Variants in ADAMTS2 observed in about 807,000 individuals in gnomAD.
ADAMTS2 encodes the protein ADAM metallopeptidase with thrombospondin type 1 motif 2.
ADAMTS2 carries 50 observed loss-of-function variants against 123.0 expected under a neutral mutation model. The ratio of observed to expected loss-of-function variants is 0.41; its 90% confidence interval spans 0.32 to 0.51. The LOEUF is 0.51. Ranked by LOEUF, ADAMTS2 falls within the 20% of genes least tolerant of loss-of-function variation. The probability of loss-of-function intolerance (pLI) is 0.35; values close to 1 mark genes in which losing one functional copy is unlikely to be tolerated. For synonymous variants in ADAMTS2, 678 were observed against 695.4 expected (o/e 0.98, Z 0.39); for missense variants, 1,494 against 1,705.2 (o/e 0.88, Z 2.18).
intron 3 of ADAMTS2, among the ~76,000 whole-genome samples, chr5:179,251,573 G>A (rs1340655203): frequency 1.3e-5 from 2 of 152,112 alleles, no homozygotes; most frequent in Non-Finnish European, 2.9e-5. Flanking sequence ...TGGTGACCTA[G>A]CCCCGGCCCT....
At position 179,202,976 on chromosome 5, in the gene ADAMTS2, G is replaced by A. The variant is rs76491545; in HGVS notation, c.891+4537C>T. On this transcript the variant is annotated intron_variant, in intron 4 of 21. Coordinates refer to ENST00000251582, the MANE Select transcript of ADAMTS2 (RefSeq NM_014244.5). This position sits in a 1 kb window ranked among gnomAD's most constrained non-coding sequence, Gnocchi z 4.0. ...TGGGGAGGGGAGCACAGGGGTGATC[G>A]ATGAGGCTGAACTGCCTGTGCCACC... Among the ~76,000 whole-genome samples, 1,935 of 152,304 alleles carry A rather than the reference G, an allele frequency of 0.013. 44 individuals carry two copies. Among genetic ancestry groups the A allele is most frequent in the African/African-American group, 0.044 (1,840 of 41,566 alleles).
intron 2 of ADAMTS2, among the ~76,000 whole-genome samples, chr5:179,275,089 A>G (rs1272497140): frequency 6.6e-6 from 1 of 151,904 alleles, no homozygotes; most frequent in Non-Finnish European, 1.5e-5. Flanking sequence ...GTGGCCCATC[A>G]CTCAGGGGGC....
chr5:179,316,493 C>A (rs940704155), intron 2 of ADAMTS2, among the ~76,000 whole-genome samples: 1 of 152,176 alleles, frequency 6.6e-6, no homozygotes, highest in African/African-American at 2.4e-5. Flanking sequence ...GGCTCCCCAG[C>A]CCCACAGAAC....
chr5:179,125,667 C>A (rs1439379466), intron 18 of ADAMTS2, among the ~76,000 whole-genome samples: 1 of 152,244 alleles, frequency 6.6e-6, no homozygotes, highest in East Asian at 1.9e-4. Flanking sequence ...CTGGGCCCAG[C>A]CCCAGGGCCT....
chr5:179,322,801 C>T (rs1022440512), intron 2 of ADAMTS2, among the ~76,000 whole-genome samples: 5 of 152,240 alleles, frequency 3.3e-5, no homozygotes, highest in African/African-American at 4.8e-5. Context: ...CTCCCTCACT[C>T]GGGGCCTGAC....
intron 3 of ADAMTS2, among the ~76,000 whole-genome samples, chr5:179,230,251 CGCAGAG>C (rs1765377994): frequency 6.6e-6 from 1 of 152,068 alleles, no homozygotes; most frequent in Non-Finnish European, 1.5e-5. Context: ...GGAGGGGATG[CGCAGAG>C]GCAGAGGATG....
Position 179,303,140 on chromosome 5 carries a change from G to C in ADAMTS2, c.535-30076C>G, listed in dbSNP as rs1021735888. On this transcript the variant is annotated intron_variant, in intron 2 of 21. Transcript: ENST00000251582. The surrounding 1 kb of genome is among the most constrained non-coding windows in gnomAD (Gnocchi z 4.7). ...AAGAGACCTGATTCCCCTGTCAGTT[G>C]CTCTGGGCATGTTGTGAGAATTGCT... 6.6e-6 allele frequency among the ~76,000 whole-genome samples: 1 copy of C among 152,126 alleles called. No homozygotes were observed. Among genetic ancestry groups the C allele is most frequent in the African/African-American group, 2.4e-5 (1 of 41,400 alleles).
At chr5:179,244,590 C>T (rs996792896) in intron 3 of ADAMTS2, among the ~76,000 whole-genome samples, 14 of 152,144 alleles carry the variant, frequency 9.2e-5, no homozygotes, top group Non-Finnish European at 1.6e-4. Context: ...AAGGTAATCA[C>T]GCAACTTTAA....
At chr5:179,131,267 C>T (rs1197320477) in intron 15 of ADAMTS2, among the ~76,000 whole-genome samples, 1 of 124,534 alleles carries the variant, frequency 8.0e-6, no homozygotes, top group Non-Finnish European at 1.6e-5. Flanking sequence ...GAGCCAAGAT[C>T]AGGCCACTGC....
rs575401088 is a variant in ADAMTS2 at position 179,326,432 on chromosome 5, G to C, written c.534+17335C>G. ...CTCCACTGGCAACACATCCCAGGCC[G>C]GTGATGCCTGGGGCAGGGAGAGCAT... On this transcript the variant is annotated intron_variant, in intron 2 of 21. Transcript: ENST00000251582. 6.6e-5 allele frequency among the ~76,000 whole-genome samples: 10 copies of C among 152,146 alleles called. No individual in the cohort carries two copies. In the East Asian group the frequency reaches 1.9e-3, roughly 30 times the overall value.
intron 3 of ADAMTS2, among the ~76,000 whole-genome samples, chr5:179,222,083 C>A (rs902884954): frequency 3.3e-5 from 5 of 152,090 alleles, no homozygotes; most frequent in African/African-American, 1.2e-4. Context: ...CCTGCAGGGA[C>A]GGGGGTTCCT....
At position 179,212,613 on chromosome 5, in the gene ADAMTS2, G is replaced by C. The variant is rs112823465; in HGVS notation, c.689-4898C>G. Reference sequence around the variant, plus strand: ...GCCCTGAGGGTGGGTTCAGTGGGCAGGTGTGGGCCCTGAGGGCGGGTGCAG... The same window carrying C: ...GCCCTGAGGGTGGGTTCAGTGGGCACGTGTGGGCCCTGAGGGCGGGTGCAG... On this transcript the variant is annotated intron_variant, in intron 3 of 21. Coordinates refer to ENST00000251582, the MANE Select transcript of ADAMTS2 (RefSeq NM_014244.5). Among the ~76,000 whole-genome samples, 78 of 81,482 alleles carry C rather than the reference G, an allele frequency of 9.6e-4. 9 individuals carry two copies. Among genetic ancestry groups the C allele is most frequent in the South Asian group, 3.7e-3 (9 of 2,410 alleles). The allele number at this position is 81,482 out of a possible 152,430, so 53.5% of individuals were successfully genotyped here. A position where few individuals can be genotyped will look rare whatever the true frequency, so the allele number is the denominator to read the frequency against.
chr5:179,149,431 GAAGCTGAGGAAGATGGA>G (rs1245815762), intron 10 of ADAMTS2, among the ~76,000 whole-genome samples: 2 of 152,214 alleles, frequency 1.3e-5, no homozygotes, highest in African/African-American at 4.8e-5. Flanking sequence ...TAGAGCAGCC[GAAGCTGAGGAAGATGGA>G]GTGTGAGCTG....
In ADAMTS2 at chr5:179,181,219, A is replaced by G. The variant is rs2113312320; in HGVS notation, c.892-64T>C. The G allele has an allele frequency of 5.0e-6, 6 of 1,192,098 alleles. No individual in the cohort carries two copies. Among genetic ancestry groups the G allele is most frequent in the Non-Finnish European group, 7.5e-6 (6 of 797,608 alleles). The allele number at this position is 1,192,098 out of a possible 1,614,324, so 73.8% of individuals were successfully genotyped here. On this transcript the variant is annotated intron_variant, in intron 4 of 21. Transcript: ENST00000251582. The surrounding 1 kb of genome is among the most constrained non-coding windows in gnomAD (Gnocchi z 4.1). ...CCTAGGACTGGCTCTGGCTCTGCCA[A>G]TGGGATGACCCCCACCTGCTCCTTC...
At position 179,113,791 on chromosome 5, in the gene ADAMTS2, G is replaced by T. The variant is rs1762611951; in HGVS notation, c.*76C>A. The T allele has an allele frequency of 1.4e-6, 2 of 1,453,020 alleles. No individual in the cohort carries two copies. Among genetic ancestry groups the T allele is most frequent in the Non-Finnish European group, 1.9e-6 (2 of 1,035,400 alleles). 90.0% of individuals were successfully genotyped at this position (1,453,020 alleles called of 1,614,324 possible). On this transcript the variant is annotated 3_prime_UTR_variant, in exon 22 of 22. Transcript: ENST00000251582. Reference sequence around the variant, plus strand: ...TCAGGAATTTTGACTTCATCTCCATGACACAGGATTTGCTATCCCATGGAA... The same window carrying T: ...TCAGGAATTTTGACTTCATCTCCATTACACAGGATTTGCTATCCCATGGAA...
intron 19 of ADAMTS2, 57 bp downstream of exon 19, chr5:179,124,916 C>T: frequency 6.3e-7 from 1 of 1,597,836 alleles, no homozygotes; most frequent in Non-Finnish European, 8.5e-7. Flanking sequence ...AGCGCACCTG[C>T]ATGCCTGTCC....
rs252071 is a variant in ADAMTS2 at position 179,189,134 on chromosome 5, T to G, written c.892-7979A>C. Among the ~76,000 whole-genome samples, 1 of 152,012 alleles carries G rather than the reference T, an allele frequency of 6.6e-6. No homozygotes were observed. The highest frequency in any genetic ancestry group is 1.9e-4 in the East Asian group (1 of 5,188). ...TTTATCTATAAAATGGAGATAATAA[T>G]AGTCCCTGTGTCTCAGGGTTGTTTC... On this transcript the variant is annotated intron_variant, in intron 4 of 21. Transcript: ENST00000251582. This position sits in a 1 kb window ranked among gnomAD's most constrained non-coding sequence, Gnocchi z 4.2.
chr5:179,196,460 T>C (rs1309662758), intron 4 of ADAMTS2, among the ~76,000 whole-genome samples: 1 of 152,214 alleles, frequency 6.6e-6, no homozygotes, highest in Non-Finnish European at 1.5e-5. Context: ...TGGGAGAGAC[T>C]ATTCTGCATG....
intron 2 of ADAMTS2, among the ~76,000 whole-genome samples, chr5:179,292,492 C>T (rs911046687): frequency 1.3e-5 from 2 of 152,042 alleles, no homozygotes; most frequent in Admixed American, 6.5e-5. Flanking sequence ...TTCTCCTCCC[C>T]GTCCCCTAAA....
Sources: allele counts gnomAD v4.1 joint callset (sites outside exome capture counted in the v4.1 genomes callset), GRCh38; gene constraint gnomAD v4.1.1; non-coding constraint Gnocchi (gnomAD v3.1); transcripts MANE v1.5; gene names NCBI Gene and HGNC (gene_info 2026-07-23, HGNC 2026-07-21).